Variants in SEPTIN10 observed in about 807,000 individuals in gnomAD.
The protein encoded by SEPTIN10 is septin-10.
A neutral mutation model predicts 54.8 loss-of-function variants in SEPTIN10; 66 were observed. That is an observed-to-expected ratio of 1.21 (90% CI 0.99 to 1.48). The LOEUF is 1.48. Among genes scored for constraint, SEPTIN10 ranks in the 40% most tolerant of loss-of-function variants. The pLI is 0.00. For missense variants in SEPTIN10, 620 were observed against 545.6 expected (o/e 1.14, Z -1.36); for synonymous variants, 161 against 181.0 (o/e 0.89, Z 0.89).
chr2:109,552,905 G>A (rs990468602), intron 9 of SEPTIN10, 182 bp downstream of exon 9: 6 of 669,524 alleles, frequency 9.0e-6, no homozygotes, highest in Non-Finnish European at 1.4e-5. Flanking sequence ...GAAGGCCAAA[G>A]TTTTCATTTA....
chr2:109,611,133 T>TA (rs1449877920), intron 1 of SEPTIN10, among the ~76,000 whole-genome samples: 2 of 152,134 alleles, frequency 1.3e-5, no homozygotes, highest in Non-Finnish European at 2.9e-5. Context: ...TGGACATCCA[T>TA]AGGCCAAAAA....
In SEPTIN10 at chr2:109,543,777, T is replaced by C. The variant is rs780767320; in HGVS notation, c.*532A>G. On this transcript the variant is annotated 3_prime_UTR_variant, in exon 11 of 11. Transcript: ENST00000397712. Reference sequence around the variant, plus strand: ...GCAACTTAAACATTTCTAACAACAGTGAATATATATGAATATATAGGTACA... The same window carrying C: ...GCAACTTAAACATTTCTAACAACAGCGAATATATATGAATATATAGGTACA... 4 of 174,668 alleles carry C rather than the reference T, an allele frequency of 2.3e-5. No homozygotes were observed. Among genetic ancestry groups the C allele is most frequent in the Non-Finnish European group, 3.6e-5 (3 of 83,246 alleles). 10.8% of individuals were successfully genotyped at this position (174,668 alleles called of 1,614,324 possible). A position where few individuals can be genotyped will look rare whatever the true frequency, so the allele number is the denominator to read the frequency against.
intron 1 of SEPTIN10, among the ~76,000 whole-genome samples, chr2:109,595,997 T>C (rs1449159440): frequency 6.6e-6 from 1 of 152,220 alleles, no homozygotes; most frequent in African/African-American, 2.4e-5. Context: ...TGAGGCTATA[T>C]TATTTTGACT....
chr2:109,545,802 T>C, intron 10 of SEPTIN10: 2 of 1,424,988 alleles, frequency 1.4e-6, no homozygotes, highest in Non-Finnish European at 1.8e-6. Flanking sequence ...CTGTGATGTA[T>C]TTTTATTTTG....
chr2:109,584,639 AG>A (rs1692048670), intron 4 of SEPTIN10, among the ~76,000 whole-genome samples: 1 of 152,210 alleles, frequency 6.6e-6, no homozygotes, highest in Admixed American at 6.5e-5. Flanking sequence ...TAAAACAAAT[AG>A]AGACACAAGG....
At chr2:109,613,127 A>G in intron 1 of SEPTIN10, 2 of 1,270,250 alleles carry the variant, frequency 1.6e-6, no homozygotes, top group Non-Finnish European at 2.1e-6. Context: ...AGCCTTTGGA[A>G]AACTCGATGT....
rs60924044 is a variant in SEPTIN10 at position 109,581,528 on chromosome 2, GA to G, written c.413+3597del. ...TAAAAAGAACTAAAGAAAGGTCTGGGAAAAAAAAAAAACCTATTTCAGAGCA... is the reference window on the plus strand; with the variant it reads ...TAAAAAGAACTAAAGAAAGGTCTGGGAAAAAAAAAAACCTATTTCAGAGCA... On this transcript the variant is annotated intron_variant, in intron 4 of 10. Coordinates refer to ENST00000397712, the MANE Select transcript of SEPTIN10 (RefSeq NM_144710.5). Among the ~76,000 whole-genome samples the G allele has an allele frequency of 4.7e-3, 679 of 145,612 alleles. 5 individuals carry two copies. The highest frequency in any genetic ancestry group is 6.6e-3 in the Non-Finnish European group (436 of 65,870).
At chr2:109,562,839 G>A (rs942332939) in intron 8 of SEPTIN10, among the ~76,000 whole-genome samples, 1 of 152,092 alleles carries the variant, frequency 6.6e-6, no homozygotes, top group Non-Finnish European at 1.5e-5. Flanking sequence ...GTCAGTTTAC[G>A]AGAATGACTG....
At chr2:109,609,909 T>C (rs889721406) in intron 1 of SEPTIN10, among the ~76,000 whole-genome samples, 14 of 152,228 alleles carry the variant, frequency 9.2e-5, no homozygotes, top group South Asian at 6.2e-4. Flanking sequence ...TACTCAACAC[T>C]ATTTCAAGAT....
intron 1 of SEPTIN10, among the ~76,000 whole-genome samples, chr2:109,612,360 G>C (rs1342994247): frequency 6.6e-6 from 1 of 152,146 alleles, no homozygotes; most frequent in East Asian, 1.9e-4. Context: ...GGATCCTCCT[G>C]GTCCTGGGAA....
At position 109,544,333 on chromosome 2, in the gene SEPTIN10, A is replaced by T; in HGVS notation, c.1350-9T>A. ...TTTACAAAAAATTGGAGCTGGAAAG[A>T]AAAAGAACCTTTTGATTGGTACAAT... On this transcript the variant is annotated splice_polypyrimidine_tract_variant and intron_variant, in intron 10 of 10. Coordinates refer to ENST00000397712, the MANE Select transcript of SEPTIN10 (RefSeq NM_144710.5). The T allele has an allele frequency of 6.3e-7, 1 of 1,586,624 alleles. No individual in the cohort carries two copies. The highest frequency in any genetic ancestry group is 8.5e-7 in the Non-Finnish European group (1 of 1,173,058).
At chr2:109,583,974 ACACT>A (rs1691838871) in intron 4 of SEPTIN10, among the ~76,000 whole-genome samples, 1 of 152,168 alleles carries the variant, frequency 6.6e-6, no homozygotes, top group Admixed American at 6.6e-5. Context: ...GCAACAACAG[ACACT>A]GGGACTACTA....
intron 1 of SEPTIN10, among the ~76,000 whole-genome samples, chr2:109,599,833 T>C (rs776741426): frequency 6.6e-6 from 1 of 152,182 alleles, no homozygotes; most frequent in Non-Finnish European, 1.5e-5. Flanking sequence ...TCCTCCTAAT[T>C]AGAAATTTAT....
chr2:109,561,226 C>T (rs1685584056), intron 8 of SEPTIN10, among the ~76,000 whole-genome samples: 1 of 152,114 alleles, frequency 6.6e-6, no homozygotes, highest in Non-Finnish European at 1.5e-5. Flanking sequence ...GCCATTCTCT[C>T]TCCATCTTCA....
At chr2:109,598,605 G>A (rs887798984) in intron 1 of SEPTIN10, among the ~76,000 whole-genome samples, 1 of 151,992 alleles carries the variant, frequency 6.6e-6, no homozygotes, top group African/African-American at 2.4e-5. Context: ...CACTTTGGGA[G>A]GCTGAGGCAG....
At chr2:109,581,035 T>C (rs1397650421) in intron 4 of SEPTIN10, among the ~76,000 whole-genome samples, 4 of 152,236 alleles carry the variant, frequency 2.6e-5, no homozygotes, top group African/African-American at 4.8e-5. Context: ...AATATGCATA[T>C]GCAGGACAGC....
At chr2:109,609,168 A>G (rs1409196221) in intron 1 of SEPTIN10, among the ~76,000 whole-genome samples, 2 of 152,246 alleles carry the variant, frequency 1.3e-5, no homozygotes, top group Non-Finnish European at 2.9e-5. Context: ...GTGGGGCTTC[A>G]TTAGAACATA....
chr2:109,547,369 GTT>G (rs35573327), intron 9 of SEPTIN10, among the ~76,000 whole-genome samples: 18 of 117,816 alleles, frequency 1.5e-4, no homozygotes, highest in African/African-American at 3.5e-4. Context: ...TAATAAACTT[GTT>G]TTTTTTTTTT....
intron 7 of SEPTIN10, among the ~76,000 whole-genome samples, 194 bp downstream of exon 7, chr2:109,565,569 G>A (rs541627519): frequency 7.2e-5 from 11 of 152,244 alleles, no homozygotes; most frequent in African/African-American, 2.4e-4. Context: ...GTGGGGGCGG[G>A]GGTAATGTGT....
Sources: allele counts gnomAD v4.1 joint callset (sites outside exome capture counted in the v4.1 genomes callset), GRCh38; gene constraint gnomAD v4.1.1; transcripts MANE v1.5; gene names NCBI Gene and HGNC (gene_info 2026-07-23, HGNC 2026-07-21).